The following TRPM3 variants were observed in gnomAD, a reference collection of about 807,000 sequenced individuals.
The protein encoded by TRPM3 is transient receptor potential cation channel subfamily M member 3, also known as long transient receptor potential channel 3.
TRPM3 carries 77 observed loss-of-function variants against 181.2 expected under a neutral mutation model. The ratio of observed to expected loss-of-function variants is 0.42; its 90% CI spans 0.35 to 0.51. The LOEUF (loss-of-function observed/expected upper bound fraction) is 0.51, where lower values mean the gene tolerates loss of function less well. Among genes scored for constraint, TRPM3 ranks in the 20% least tolerant of loss-of-function variants. The pLI is 0.01. For missense variants in TRPM3, 1,759 were observed against 2,196.7 expected, an observed-to-expected ratio of 0.80 and a Z score of 3.98; for synonymous variants, 745 against 796.4, an observed-to-expected ratio of 0.94 and a Z score of 1.09.
intron 7 of TRPM3, chr9:70,776,309 T>G (rs1243733974): frequency 1.7e-6 from 1 of 584,342 alleles, no homozygotes; most frequent in Non-Finnish European, 3.1e-6. Flanking sequence ...AACTGTAAAG[T>G]CGAAGGAAGC....
chr9:70,994,718 T>G (rs1302487701), intron 1 of TRPM3, among the ~76,000 whole-genome samples: 1 of 152,174 alleles, frequency 6.6e-6, no homozygotes, highest in Non-Finnish European at 1.5e-5. Flanking sequence ...CAGCAAAATA[T>G]AAATCACTGC....
chr9:71,083,699 A>T (rs1329740896), intron 1 of TRPM3, among the ~76,000 whole-genome samples: 1 of 140,944 alleles, frequency 7.1e-6, no homozygotes, highest in Non-Finnish European at 1.5e-5. Flanking sequence ...AAGTCCCCAA[A>T]ATGTATTATT....
intron 1 of TRPM3, among the ~76,000 whole-genome samples, chr9:70,893,777 T>C (rs13287493): frequency 0.2 from 30,192 of 152,144 alleles, 3,282 homozygotes; most frequent in East Asian, 0.37. Context: ...AAGATTAATA[T>C]TAGAAAAGGA....
At position 70,535,970 on chromosome 9, in the gene TRPM3, C is replaced by G; in HGVS notation, c.5143G>C (p.Glu1715Gln). The G allele has an allele frequency of 6.2e-7, 1 of 1,600,124 alleles. No individual in the cohort carries two copies. Among genetic ancestry groups the G allele is most frequent in the Non-Finnish European group, 8.5e-7 (1 of 1,173,840 alleles). The change falls in exon 26 of 26, where the codon GAA becomes CAA. Residue 1715 changes from glutamate (E) to glutamine (Q), a missense_variant. Glu to Gln is a conservative substitution (Grantham distance 29). Around this residue, in one of 8 missense-constraint regions of TRPM3, gnomAD observed 612 missense variants for 590.0 expected, o/e 1.04. Coordinates refer to ENST00000677713, the MANE Select transcript of TRPM3 (RefSeq NM_001366145.2). ...AAGAAGGTTTAGTTGTGCTTGCTTTCAAAGCTTTGGAAAGCCGATGTTCTG... is the reference window on the plus strand; with the variant it reads ...AAGAAGGTTTAGTTGTGCTTGCTTTGAAAGCTTTGGAAAGCCGATGTTCTG... ...LSRTSAFQSF[E>Q]SKHN
intron 1 of TRPM3, among the ~76,000 whole-genome samples, chr9:70,913,674 G>A (rs1466351447): frequency 6.6e-6 from 1 of 151,958 alleles, no homozygotes; most frequent in African/African-American, 2.4e-5. Flanking sequence ...AGTCTTACCA[G>A]AAAAAAACCA....
intron 1 of TRPM3, among the ~76,000 whole-genome samples, chr9:71,417,195 A>C (rs2131501226): frequency 6.6e-6 from 1 of 152,102 alleles, no homozygotes; most frequent in Middle Eastern, 3.4e-3. Context: ...ATGCACGTTA[A>C]ACTTTATGAG....
At chr9:70,848,755 A>C (rs1268325073) in intron 3 of TRPM3, among the ~76,000 whole-genome samples, 2 of 96,776 alleles carry the variant, frequency 2.1e-5, no homozygotes, top group Admixed American at 1.0e-4. Context: ...AGGCGGGCGG[A>C]TCACGAGGTC....
At chr9:71,016,258 GTAT>G (rs2097784504) in intron 1 of TRPM3, among the ~76,000 whole-genome samples, 1 of 89,078 alleles carries the variant, frequency 1.1e-5, no homozygotes, top group Non-Finnish European at 2.3e-5. Context: ...GTGTGTGTGT[GTAT>G]CTGTGTGTGT....
At chr9:70,858,531 C>CA (rs1266519735) in intron 3 of TRPM3, among the ~76,000 whole-genome samples, 1 of 152,098 alleles carries the variant, frequency 6.6e-6, no homozygotes, top group Non-Finnish European at 1.5e-5. Context: ...TCAAAGTGGA[C>CA]AAAATGCTTA....
In TRPM3 at chr9:71,153,845, A is replaced by G. The variant is rs73647952; in HGVS notation, c.184-289334T>C. Among the ~76,000 whole-genome samples, 1,207 of 152,248 alleles carry G rather than the reference A, an allele frequency of 7.9e-3. 23 individuals carry two copies. Among genetic ancestry groups the G allele is most frequent in the African/African-American group, 0.028 (1,158 of 41,558 alleles). On this transcript the variant is annotated intron_variant, in intron 1 of 24. Coordinates refer to the TRPM3 transcript ENST00000357533. ...TTCTATAGCTCTAAGATGGGACCCA[A>G]CAAGTACAGTGAGCATCTTCCTTTT...
intron 1 of TRPM3, among the ~76,000 whole-genome samples, chr9:71,237,041 C>A (rs1421675077): frequency 1.8e-4 from 4 of 22,042 alleles, no homozygotes; most frequent in African/African-American, 2.7e-4. Flanking sequence ...AGCAAGACTC[C>A]ATCAAAAAAA....
In TRPM3 at chr9:70,862,994, A is replaced by G. The variant is rs770572288; in HGVS notation, c.376T>C (p.Ser126Pro). 6.2e-7 allele frequency: 1 copy of G among 1,613,584 alleles called. No individual in the cohort carries two copies. Among genetic ancestry groups the G allele is most frequent in the South Asian group, 1.1e-5 (1 of 91,072 alleles). The change falls in exon 3 of 26, where the codon TCC (serine) becomes CCC (proline). Residue 126 changes from serine to proline, a missense_variant. Physicochemically the swap from Ser to Pro is moderately conservative, Grantham distance 74. Coordinates refer to ENST00000677713, the MANE Select transcript of TRPM3 (RefSeq NM_001366145.2). The part of the protein sequence containing the change: ...SRNDIQSEKW[S>P]ISKHTQLSPT... ...CTGAGTTGAGTGTGTTTGCTGATGG[A>G]CCACTTTTCAGACTGGATGTCATTT... is the stretch of plus-strand genomic sequence containing the variant.
At position 70,761,712 on chromosome 9, in the gene TRPM3, T is replaced by C; in HGVS notation, c.1161A>G (p.Glu387=). The change falls in exon 8 of 26, where the codon GAA becomes GAG. Residue 387 remains glutamate (E), a synonymous_variant. Transcript: ENST00000677713. ...KYSEEGGLIN[E]SLRDQLLVTI... ...TCACCAACAGCTGGTCCCTCAAAGATTCATTTATCAGTCTGCAAGTAAAAA... is the reference window on the plus strand; with the variant it reads ...TCACCAACAGCTGGTCCCTCAAAGACTCATTTATCAGTCTGCAAGTAAAAA... 1 of 1,611,084 alleles carries C rather than the reference T, an allele frequency of 6.2e-7. No individual in the cohort carries two copies. The highest frequency in any genetic ancestry group is 1.1e-5 in the South Asian group (1 of 90,936).
intron 1 of TRPM3, among the ~76,000 whole-genome samples, chr9:70,889,275 G>T (rs978040217): frequency 6.6e-6 from 1 of 152,278 alleles, no homozygotes; most frequent in East Asian, 1.9e-4. Context: ...GGAAACTGCT[G>T]CTCTCCCACC....
intron 1 of TRPM3, among the ~76,000 whole-genome samples, chr9:71,203,616 T>C (rs985156260): frequency 1.3e-5 from 2 of 152,212 alleles, no homozygotes; most frequent in Non-Finnish European, 2.9e-5. Flanking sequence ...ACCTTAGGCA[T>C]GTTACTTGAC....
chr9:71,023,366 C>G (rs1038429746), intron 1 of TRPM3, among the ~76,000 whole-genome samples: 10 of 152,112 alleles, frequency 6.6e-5, no homozygotes, highest in South Asian at 2.1e-4. Flanking sequence ...GGAGAAAAAC[C>G]GGGATTCATT....
chr9:71,198,094 A>T (rs2078513598), intron 1 of TRPM3, among the ~76,000 whole-genome samples: 1 of 147,844 alleles, frequency 6.8e-6, no homozygotes, highest in Non-Finnish European at 1.5e-5. Context: ...ACATATGGCT[A>T]GCCAGTCTTC....
At chr9:70,653,677 C>CAAAAAAAAA (rs71507003) in intron 9 of TRPM3, among the ~76,000 whole-genome samples, 2 of 103,142 alleles carry the variant, frequency 1.9e-5, no homozygotes, top group East Asian at 5.6e-4. Flanking sequence ...CTTCCTGTCT[C>CAAAAAAAAA]AAAAAAAAAA....
At chr9:70,918,545 G>A (rs1232060754) in intron 1 of TRPM3, among the ~76,000 whole-genome samples, 1 of 152,040 alleles carries the variant, frequency 6.6e-6, no homozygotes, top group Admixed American at 6.6e-5. Context: ...AATTAAGAAG[G>A]AAATTAAAAA....
Sources: gnomAD v4.1 joint callset for allele counts (sites outside exome capture counted in the v4.1 genomes callset) on GRCh38, gnomAD v4.1.1 for gene constraint, gnomAD v4.1.1 regional missense constraint, MANE v1.5 for transcripts, NCBI Gene and HGNC (gene_info 2026-07-23, HGNC 2026-07-21) for gene names.